TDRP: variants seen among roughly 807,000 people sequenced by gnomAD.
TDRP encodes the protein testis development-related protein.
Under a neutral mutation model 10.5 loss-of-function variants are expected in TDRP, and 12 were observed. The observed-to-expected ratio is 1.15, with a 90% CI of 0.73 to 1.86. The LOEUF (loss-of-function observed/expected upper bound fraction) is 1.86, where lower values mean the gene tolerates loss of function less well. TDRP is among the 40% of genes most tolerant of loss of function. The pLI is 0.00. For synonymous variants in TDRP, 139 were observed against 95.4 expected (o/e 1.46, Z -2.67); for missense variants, 353 against 229.2 (o/e 1.54, Z -3.49).
At chr8:518,155 T>A (rs1801805497) in intron 1 of TDRP, among the ~76,000 whole-genome samples, 2 of 152,156 alleles carry the variant, frequency 1.3e-5, no homozygotes, top group African/African-American at 4.8e-5. Flanking sequence ...TCGTCAATTT[T>A]AACAAAGGCA....
intron 1 of TDRP, among the ~76,000 whole-genome samples, chr8:511,808 T>A (rs1251501246): frequency 1.3e-5 from 2 of 152,158 alleles, no homozygotes; most frequent in Non-Finnish European, 2.9e-5. Flanking sequence ...ATGTGGAAAT[T>A]TTAAAACTCA....
intron 1 of TDRP, among the ~76,000 whole-genome samples, chr8:515,053 C>G (rs1801721618): frequency 6.6e-6 from 1 of 152,150 alleles, no homozygotes; most frequent in Non-Finnish European, 1.5e-5. Flanking sequence ...AGACACAGGT[C>G]AGGCTTCAGG....
intron 1 of TDRP, among the ~76,000 whole-genome samples, chr8:526,711 G>T (rs1054080724): frequency 6.6e-6 from 1 of 152,132 alleles, no homozygotes; most frequent in Non-Finnish European, 1.5e-5. Context: ...TACTAGCCTT[G>T]TAGAATAGCT....
intron 1 of TDRP, among the ~76,000 whole-genome samples, chr8:540,713 T>A (rs1349452506): frequency 6.6e-6 from 1 of 151,984 alleles, no homozygotes; most frequent in Non-Finnish European, 1.5e-5. Flanking sequence ...TTAAAATTAT[T>A]TTAGTAATAG....
chr8:498,642 G>C (rs1174702160), intron 1 of TDRP, among the ~76,000 whole-genome samples: 1 of 152,078 alleles, frequency 6.6e-6, no homozygotes, highest in Non-Finnish European at 1.5e-5. Flanking sequence ...GGGATTGTTG[G>C]GAAGGCATGA....
rs138628819 is a variant in TDRP at position 519,322 on chromosome 8, A to G, written c.109-24725T>C. On this transcript the variant is annotated intron_variant, in intron 1 of 2. Transcript: ENST00000324079. ...CTCCGCTGTATCCTTTCAAGTGACCAGCAATCCTGAAAAATGAGCTTTCTG... is the reference window on the plus strand; with the variant it reads ...CTCCGCTGTATCCTTTCAAGTGACCGGCAATCCTGAAAAATGAGCTTTCTG... Among the ~76,000 whole-genome samples the G allele has an allele frequency of 6.4e-4, 97 of 152,232 alleles. 2 individuals carry two copies. The highest frequency in any genetic ancestry group is 2.3e-3 in the African/African-American group (96 of 41,536).
At chr8:500,126 A>G (rs1022473583) in intron 1 of TDRP, among the ~76,000 whole-genome samples, 2 of 152,378 alleles carry the variant, frequency 1.3e-5, no homozygotes, top group South Asian at 2.1e-4. Context: ...CCAAGAAGTT[A>G]GGCCACAGAA....
At chr8:513,956 T>C (rs1263976570) in intron 1 of TDRP, among the ~76,000 whole-genome samples, 1 of 152,190 alleles carries the variant, frequency 6.6e-6, no homozygotes, top group Non-Finnish European at 1.5e-5. Context: ...ATGATCTGAA[T>C]AACTGGAAAA....
chr8:531,491 A>C (rs748225736), intron 1 of TDRP, among the ~76,000 whole-genome samples: 1 of 152,184 alleles, frequency 6.6e-6, no homozygotes, highest in African/African-American at 2.4e-5. Flanking sequence ...AGGGAATGTC[A>C]GAAGGAAACT....
intron 2 of TDRP, among the ~76,000 whole-genome samples, chr8:494,196 T>C (rs1299962700): frequency 6.6e-6 from 1 of 151,860 alleles, no homozygotes. Flanking sequence ...CTCCTGACCT[T>C]GTGATCTGCC....
chr8:540,031 A>T (rs1020062136), intron 1 of TDRP, among the ~76,000 whole-genome samples: 17 of 152,206 alleles, frequency 1.1e-4, no homozygotes, highest in Non-Finnish European at 2.5e-4. Context: ...GCCTAGCCAA[A>T]TCCCTATGCA....
intron 1 of TDRP, among the ~76,000 whole-genome samples, chr8:528,204 A>G (rs946712082): frequency 6.6e-6 from 1 of 152,224 alleles, no homozygotes; most frequent in Admixed American, 6.5e-5. Flanking sequence ...CAAAACTACA[A>G]TGAGATATCA....
intron 1 of TDRP, among the ~76,000 whole-genome samples, chr8:543,937 A>AGGGGGGGGGGGGGGGGGG (rs1186683495): frequency 5.4e-5 from 1 of 18,616 alleles, no homozygotes. Flanking sequence ...AGGGGGGGGG[A>AGGGGGGGGGGGGGGGGGG]GGGGGTGGGG....
chr8:532,580 A>C (rs1032589883), intron 1 of TDRP, among the ~76,000 whole-genome samples: 1 of 152,256 alleles, frequency 6.6e-6, no homozygotes, highest in Non-Finnish European at 1.5e-5. Context: ...AAAAGCGCTT[A>C]AAACTATACA....
intron 1 of TDRP, among the ~76,000 whole-genome samples, chr8:501,221 C>CA (rs780149095): frequency 7.9e-5 from 12 of 151,700 alleles, no homozygotes; most frequent in Non-Finnish European, 1.2e-4. Context: ...AACAAACAAA[C>CA]AAAAAAAACA....
chr8:513,279 T>C (rs1446794480), intron 1 of TDRP, among the ~76,000 whole-genome samples: 1 of 151,850 alleles, frequency 6.6e-6, no homozygotes, highest in Non-Finnish European at 1.5e-5. Context: ...GCCACCAAAC[T>C]GAATCCAAAA....
At chr8:531,367 A>G (rs1035130980) in intron 1 of TDRP, among the ~76,000 whole-genome samples, 1 of 152,164 alleles carries the variant, frequency 6.6e-6, no homozygotes, top group Non-Finnish European at 1.5e-5. Flanking sequence ...TTTTATGTGG[A>G]GTGGCATAAG....
chr8:515,772 C>G (rs1219973024), intron 1 of TDRP, among the ~76,000 whole-genome samples: 1 of 151,998 alleles, frequency 6.6e-6, no homozygotes, highest in East Asian at 1.9e-4. Context: ...TAATTTTTAT[C>G]ACTATATAAT....
At chr8:497,554 G>C (rs1437271023) in intron 1 of TDRP, among the ~76,000 whole-genome samples, 1 of 152,164 alleles carries the variant, frequency 6.6e-6, no homozygotes, top group Admixed American at 6.5e-5. Context: ...AAGGCAAGCA[G>C]AGCATACAAG....
Sources: gnomAD v4.1 joint callset for allele counts (sites outside exome capture counted in the v4.1 genomes callset) on GRCh38, gnomAD v4.1.1 for gene constraint, MANE v1.5 for transcripts, NCBI Gene and HGNC (gene_info 2026-07-23, HGNC 2026-07-21) for gene names.